The following ERC1 variants were observed in gnomAD, a reference collection of about 807,000 sequenced individuals.
ERC1 encodes RAB6 interacting protein 2.
A neutral mutation model predicts 132.0 loss-of-function variants in ERC1; 56 were observed. That is an observed-to-expected ratio of 0.42 (90% CI 0.34 to 0.53). The LOEUF (loss-of-function observed/expected upper bound fraction) is 0.53. ERC1 is among the 20% of genes least tolerant of loss of function. ERC1 has a pLI of 0.03. For missense variants in ERC1, 1,202 were observed against 1,349.9 expected (o/e 0.89, Z 1.72); for synonymous variants, 478 against 476.1 (o/e 1.00, Z -0.05).
At chr12:1,390,414 T>TA (rs527567445) in intron 16 of ERC1, among the ~76,000 whole-genome samples, 1 of 152,196 alleles carries the variant, frequency 6.6e-6, no homozygotes, top group Non-Finnish European at 1.5e-5. Context: ...TCAATACATT[T>TA]AAAAAATAAT....
At chr12:1,468,219 G>A (rs1460785638) in intron 18 of ERC1, among the ~76,000 whole-genome samples, 1 of 151,958 alleles carries the variant, frequency 6.6e-6, no homozygotes, top group Non-Finnish European at 1.5e-5. Context: ...TCATGGAAAA[G>A]ATGGAGTAAT....
At chr12:1,207,187 C>T (rs1281516592) in intron 12 of ERC1, among the ~76,000 whole-genome samples, 1 of 152,038 alleles carries the variant, frequency 6.6e-6, no homozygotes, top group African/African-American at 2.4e-5. Context: ...AGATTTTTTA[C>T]ATTATTGTCT....
intron 1 of ERC1, among the ~76,000 whole-genome samples, chr12:1,021,354 G>T (rs118185449): frequency 3.9e-5 from 6 of 152,068 alleles, no homozygotes; most frequent in Admixed American, 3.9e-4. Context: ...GCCACTTTGC[G>T]GGAGGAGGTA....
At chr12:1,114,969 AG>A (rs748682816) in intron 6 of ERC1, among the ~76,000 whole-genome samples, 1 of 152,212 alleles carries the variant, frequency 6.6e-6, no homozygotes, top group Non-Finnish European at 1.5e-5. Flanking sequence ...CTTATACCTA[AG>A]ATTATTACAA....
chr12:1,000,211 A>G (rs6489776), intron 1 of ERC1, among the ~76,000 whole-genome samples: 149,854 of 152,260 alleles, frequency 0.98, 73,790 homozygotes, highest in East Asian at 1. Flanking sequence ...CAGGCCAGGC[A>G]CAGTGGCTCA....
At position 1,189,948 on chromosome 12, in the gene ERC1, T is replaced by C. The variant is rs1189277901; in HGVS notation, c.2247T>C (p.Asp749=). 1 of 1,614,042 alleles carries C rather than the reference T, an allele frequency of 6.2e-7. No homozygotes were observed. The highest frequency in any genetic ancestry group is 1.1e-5 in the South Asian group (1 of 91,072). ...HLEREITRYK[D]ESSKAQAEVD... ...AGAGAGAGATCACCAGGTACAAAGA[T>C]GAATCTAGCAAGGCCCAGGCAGAAG... The change falls in exon 12 of 19, where the codon GAT becomes GAC. Residue 749 remains aspartate (D), a synonymous_variant. Coordinates refer to ENST00000360905, the MANE Select transcript of ERC1 (RefSeq NM_178040.4).
chr12:1,206,670 A>G (rs1033559280), intron 12 of ERC1, among the ~76,000 whole-genome samples: 9 of 152,080 alleles, frequency 5.9e-5, no homozygotes, highest in African/African-American at 2.2e-4. Context: ...GTATAGATGA[A>G]AATATATGAT....
chr12:1,490,671 A>G lies in ERC1; in HGVS notation c.*441A>G. ...AGAGAGCTGAGTGTTCTAATATCAC[A>G]ATAGGTGCTTTCTCCTAAAAGGGCA... On this transcript the variant is annotated 3_prime_UTR_variant, in exon 19 of 19. Coordinates refer to ENST00000360905, the MANE Select transcript of ERC1 (RefSeq NM_178040.4). 4.2e-6 allele frequency: 1 copy of G among 238,004 alleles called. No homozygotes were observed. The highest frequency in any genetic ancestry group is 8.2e-6 in the Non-Finnish European group (1 of 121,220). The allele number at this position is 238,004 out of a possible 1,614,324, so 14.7% of individuals were successfully genotyped here. A position where few individuals can be genotyped will look rare whatever the true frequency, so the allele number is the denominator to read the frequency against.
chr12:1,064,367 G>A (rs1938672404), intron 2 of ERC1, among the ~76,000 whole-genome samples: 1 of 151,848 alleles, frequency 6.6e-6, no homozygotes, highest in African/African-American at 2.4e-5. Context: ...TTCTCTTGCT[G>A]TTTTCAGAAT....
At chr12:1,310,738 T>C (rs1420239881) in intron 15 of ERC1, among the ~76,000 whole-genome samples, 3 of 152,224 alleles carry the variant, frequency 2.0e-5, no homozygotes, top group Non-Finnish European at 2.9e-5. Flanking sequence ...TCCAGTTGAG[T>C]AGTAAACGGG....
At chr12:1,005,573 T>C (rs1963413448) in intron 1 of ERC1, among the ~76,000 whole-genome samples, 1 of 152,202 alleles carries the variant, frequency 6.6e-6, no homozygotes, top group Non-Finnish European at 1.5e-5. Flanking sequence ...TCATGTGATT[T>C]TTCTGGTGGT....
At chr12:1,358,011 A>G (rs879477144) in intron 15 of ERC1, among the ~76,000 whole-genome samples, 2 of 152,158 alleles carry the variant, frequency 1.3e-5, no homozygotes, top group Non-Finnish European at 2.9e-5. Context: ...AAATTCACCT[A>G]TCTGTCTTGT....
chr12:1,229,380 G>A (rs2189786), intron 12 of ERC1, among the ~76,000 whole-genome samples: 5,929 of 152,164 alleles, frequency 0.039, 177 homozygotes, highest in Non-Finnish European at 0.062. Context: ...GCATGCCTGT[G>A]GTTGCAGCAA....
intron 12 of ERC1, among the ~76,000 whole-genome samples, chr12:1,224,197 T>A (rs887278105): frequency 7.9e-5 from 12 of 152,192 alleles, no homozygotes; most frequent in African/African-American, 2.9e-4. Flanking sequence ...TTTCATCTTT[T>A]CCAGTTAATT....
At chr12:1,374,085 T>C (rs2087575295) in intron 16 of ERC1, among the ~76,000 whole-genome samples, 1 of 152,232 alleles carries the variant, frequency 6.6e-6, no homozygotes, top group Non-Finnish European at 1.5e-5. Flanking sequence ...GAGTGTGTAC[T>C]AACTTTTGGA....
rs555856225 is a variant in ERC1, at chr12:1,019,150, G to A, written c.-156-8598G>A. Among the ~76,000 whole-genome samples the A allele has an allele frequency of 1.2e-4, 18 of 152,244 alleles. No individual in the cohort carries two copies. In the South Asian group the frequency reaches 3.1e-3, roughly 26 times the overall value. ...AAAAAAAAATATTTTTTGAGACAAC[G>A]TCTGGCTCTGTCTCCCAGGCTGGAG... On this transcript the variant is annotated intron_variant, in intron 1 of 18. Coordinates refer to ENST00000360905, the MANE Select transcript of ERC1 (RefSeq NM_178040.4).
At chr12:1,074,279 T>TA (rs1192588588) in intron 2 of ERC1, among the ~76,000 whole-genome samples, 1 of 152,118 alleles carries the variant, frequency 6.6e-6, no homozygotes, top group Non-Finnish European at 1.5e-5. Context: ...CAGTAGGACT[T>TA]ACCCATTTTG....
chr12:1,196,840 CTCTG>C (rs1484167225), intron 12 of ERC1, among the ~76,000 whole-genome samples: 16 of 128,928 alleles, frequency 1.2e-4, no homozygotes, highest in East Asian at 6.1e-4. Context: ...CTGTCTGTCT[CTCTG>C]TCTGTCTCTC....
intron 1 of ERC1, among the ~76,000 whole-genome samples, chr12:1,009,350 AT>A (rs1964293577): frequency 6.6e-6 from 1 of 151,842 alleles, no homozygotes; most frequent in Non-Finnish European, 1.5e-5. Flanking sequence ...AATTTTTTGT[AT>A]TTTTAGTAGA....
Sources: allele counts gnomAD v4.1 joint callset (sites outside exome capture counted in the v4.1 genomes callset), GRCh38; gene constraint gnomAD v4.1.1; transcripts MANE v1.5; gene names NCBI Gene and HGNC (gene_info 2026-07-23, HGNC 2026-07-21).